The following MCM3 variants were observed in gnomAD, a reference collection of about 807,000 sequenced individuals.
MCM3 encodes minichromosome maintenance complex component 3, also known as DNA replication licensing factor MCM3.
In MCM3, 59 loss-of-function variants were observed where a neutral mutation model predicts 91.3. That is an observed-to-expected ratio of 0.65 (90% CI 0.52 to 0.80). The LOEUF is 0.80. Among genes scored for constraint, MCM3 ranks in the 30% least tolerant of loss-of-function variants. MCM3 has a pLI of 0.00. For synonymous variants in MCM3, 383 were observed against 379.6 expected, an observed-to-expected ratio of 1.01 and a Z score of -0.10; for missense variants, 919 against 1,035.4, an observed-to-expected ratio of 0.89 and a Z score of 1.54.
At chr6:52,270,101 G>A (rs1040611398) in intron 12 of MCM3, among the ~76,000 whole-genome samples, 4 of 152,114 alleles carry the variant, frequency 2.6e-5, no homozygotes, top group East Asian at 1.9e-4. Context: ...CAAGGCAGGC[G>A]GATCACAAGG....
rs563889770 is a variant in MCM3, at chr6:52,274,705, A to G, written c.1375-789T>C. On this transcript the variant is annotated intron_variant, in intron 9 of 16. Transcript: ENST00000596288. Reference sequence around the variant, plus strand: ...CTATGTCTCAGAAAAAAAAAAAAAAAATCAAGGGAGTTTTTCCTTGGGATT... The same window carrying G: ...CTATGTCTCAGAAAAAAAAAAAAAAGATCAAGGGAGTTTTTCCTTGGGATT... Among the ~76,000 whole-genome samples the G allele has an allele frequency of 7.9e-5, 12 of 151,632 alleles. No individual in the cohort carries two copies. The East Asian group carries it at 2.3e-3, about 29-fold the overall frequency.
Position 52,283,299 on chromosome 6 carries a change from A to G in MCM3, c.186T>C (p.Ala62=), listed in dbSNP as rs775077747. ...NDLRRKNEKR[A]NRLLNNAFEE... Reference sequence around the variant, plus strand: ...TATATCCCCTTGCCTCTCACCGGTTAGCCCTCTTCTCGTTTTTCCTGCGCA... The same window carrying G: ...TATATCCCCTTGCCTCTCACCGGTTGGCCCTCTTCTCGTTTTTCCTGCGCA... Residue 62 remains alanine (A), a synonymous_variant, in exon 2 of 17, where the codon GCT becomes GCC. Coordinates refer to ENST00000596288, the MANE Select transcript of MCM3 (RefSeq NM_002388.6). The G allele has an allele frequency of 3.1e-6, 5 of 1,613,636 alleles. No homozygotes were observed. The highest frequency in any genetic ancestry group is 4.2e-6 in the Non-Finnish European group (5 of 1,179,692).
At chr6:52,276,598 T>C in intron 8 of MCM3, 122 bp from the exon 9 acceptor site, 1 of 826,724 alleles carries the variant, frequency 1.2e-6, no homozygotes, top group East Asian at 2.7e-5. Context: ...CAATGGTGTG[T>C]TGGCTCCGAG....
rs1056374330 is a variant in MCM3, at chr6:52,277,148, C to A, written c.1084G>T (p.Ala362Ser). The change falls in exon 8 of 17, where the codon GCA becomes TCA. Residue 362 changes from alanine (A) to serine (S), a missense_variant. Ala to Ser is a moderately conservative substitution (Grantham distance 99). Coordinates refer to ENST00000596288, the MANE Select transcript of MCM3 (RefSeq NM_002388.6). ...CCAGTGGTGGGGATAGCTCGGGGTG[C>A]AGTGCAAAGCACATACCGCAGAAGC... Reference protein sequence around the residue: ...SQLLRYVLCTAPRAIPTTGRG... With the variant: ...SQLLRYVLCTSPRAIPTTGRG... The A allele has an allele frequency of 6.2e-7, 1 of 1,613,850 alleles. No individual in the cohort carries two copies. Among genetic ancestry groups the A allele is most frequent in the African/African-American group, 1.3e-5 (1 of 74,936 alleles).
At chr6:52,272,508 T>C (rs1402764540) in intron 11 of MCM3, 57 bp from the exon 12 acceptor site, 1 of 1,603,524 alleles carries the variant, frequency 6.2e-7, no homozygotes, top group African/African-American at 1.3e-5. Flanking sequence ...CCTGCCTGGA[T>C]TAGTGGCTTT....
At chr6:52,266,249 G>C in intron 15 of MCM3, 105 bp from the exon 16 acceptor site, 1 of 856,238 alleles carries the variant, frequency 1.2e-6, no homozygotes. Flanking sequence ...CACTCAGCCT[G>C]CTGAACACTC....
intron 3 of MCM3, 91 bp downstream of exon 3, chr6:52,282,562 G>A: frequency 8.2e-7 from 1 of 1,226,944 alleles, no homozygotes; most frequent in Non-Finnish European, 1.2e-6. Context: ...CCTCTTTGAA[G>A]CCACAAGCTA....
chr6:52,283,364 T>C lies in MCM3; in HGVS notation c.121A>G (p.Ser41Gly). 1.9e-6 allele frequency: 3 copies of C among 1,614,264 alleles called. No homozygotes were observed. The highest frequency in any genetic ancestry group is 1.1e-5 in the South Asian group (1 of 91,088). ...IYQSKVRELISDNQYRLIVNV... is the reference protein window; with the variant it reads ...IYQSKVRELIGDNQYRLIVNV... ...ACAATCAGCCGGTATTGGTTGTCAC[T>C]GATCAGCTCCCGAACTTTGCTCTGA... Residue 41 changes from serine to glycine, a missense_variant, in exon 2 of 17, where the codon AGT (serine) becomes GGT (glycine). Around this residue, in one of 3 missense-constraint regions of MCM3, gnomAD observed 401 missense variants for 402.7 expected, o/e 1.00. Transcript: ENST00000596288.
At chr6:52,270,755 G>A (rs991078873) in intron 12 of MCM3, among the ~76,000 whole-genome samples, 3 of 152,154 alleles carry the variant, frequency 2.0e-5, no homozygotes, top group African/African-American at 7.2e-5. Context: ...CATGTGGAAA[G>A]GAACAGTTAA....
chr6:52,278,873 G>A lies in MCM3; in HGVS notation c.771-23C>T, dbSNP rs371355754. 11 of 1,539,452 alleles carry A rather than the reference G, an allele frequency of 7.1e-6. No homozygotes were observed. In the African/African-American group the frequency reaches 1.4e-4, roughly 19 times the overall value. ...GTCCTGGGACAAACAGAATAAAGAG[G>A]AAACCCGTTATATTCAATTCCTAAC... On this transcript the variant is annotated intron_variant, in intron 5 of 16. Transcript: ENST00000596288.
intron 11 of MCM3, among the ~76,000 whole-genome samples, 162 bp from the exon 12 acceptor site, chr6:52,272,613 T>C (rs1393769138): frequency 6.6e-6 from 1 of 152,224 alleles, no homozygotes. Flanking sequence ...TCACATATTT[T>C]TATTTAATTA....
chr6:52,275,318 C>T (rs565268977), intron 9 of MCM3, among the ~76,000 whole-genome samples: 36 of 152,254 alleles, frequency 2.4e-4, no homozygotes, highest in African/African-American at 7.9e-4. Context: ...CCTGGCTCTG[C>T]GATTTTCAAG....
rs758991371 is a variant in MCM3 at position 52,272,324 on chromosome 6, T to C, written c.1804A>G (p.Ser602Gly). ...ACCCTGGCGGTGTCTGAGCTCATGC[T>C]ATCCTGGCTGCGCAGGCGTGAATAC... ...EEYSRLRSQD[S>G]MSSDTARTSP... is the part of the protein sequence containing the mutation. Residue 602 changes from serine (S) to glycine (G), a missense_variant, in exon 12 of 17, where the codon AGC becomes GGC. Transcript: ENST00000596288. 3.1e-6 allele frequency: 5 copies of C among 1,614,206 alleles called. No individual in the cohort carries two copies. The highest frequency in any genetic ancestry group is 2.7e-5 in the African/African-American group (2 of 75,074).
rs70977337 is a variant in MCM3, at chr6:52,267,096, C to CTTTTTT, written c.2073-406_2073-401dup. Among the ~76,000 whole-genome samples, 13 of 111,572 alleles carry CTTTTTT rather than the reference C, an allele frequency of 1.2e-4. 1 individual carries two copies. The highest frequency in any genetic ancestry group is 3.1e-4 in the South Asian group (1 of 3,270). 73.2% of individuals were successfully genotyped at this position (111,572 alleles called of 152,430 possible). On this transcript the variant is annotated intron_variant, in intron 14 of 16. Transcript: ENST00000596288. ...CCTTCTCTTTTACCCAGGGTATCTT[C>CTTTTTT]TTTTTTTTTTTTTTTTGAGACGGAC...
intron 2 of MCM3, 52 bp downstream of exon 2, chr6:52,283,242 G>A (rs1212422347): frequency 2.0e-6 from 3 of 1,466,746 alleles, no homozygotes; most frequent in South Asian, 1.1e-5. Flanking sequence ...ATCTGGCCAA[G>A]AGGGAAGGGA....
chr6:52,268,736 A>G (rs537419770), intron 13 of MCM3, among the ~76,000 whole-genome samples: 1 of 152,330 alleles, frequency 6.6e-6, no homozygotes, highest in African/African-American at 2.4e-5. Context: ...GACAAGGAAG[A>G]TTACCAAGGT....
rs1405757890 is a variant in MCM3 at position 52,269,118 on chromosome 6, C to T, written c.1936G>A (p.Val646Met). The T allele has an allele frequency of 2.5e-6, 4 of 1,614,036 alleles. No individual in the cohort carries two copies. Among genetic ancestry groups the T allele is most frequent in the Non-Finnish European group, 3.4e-6 (4 of 1,179,900 alleles). Residue 646 changes from valine to methionine, a missense_variant, in exon 13 of 17, where the codon GTG (valine) becomes ATG (methionine). Val to Met is a conservative substitution (Grantham distance 21). Transcript: ENST00000596288. ...AAGTAAGCATACTGGACCAACTCCA[C>T]AGCTTCCTCTGCATCCTGCAGGTCC... Reference protein sequence around the residue: ...TVDLQDAEEAVELVQYAYFKK... With the variant: ...TVDLQDAEEAMELVQYAYFKK...
chr6:52,267,814 C>T lies in MCM3; in HGVS notation c.2072+51G>A, dbSNP rs375752733. The T allele has an allele frequency of 6.5e-6, 5 of 765,394 alleles. No homozygotes were observed. The African/African-American group carries it at 8.6e-5, about 13-fold the overall frequency. The allele number at this position is 765,394 out of a possible 1,614,324, so 47.4% of individuals were successfully genotyped here. A position where few individuals can be genotyped will look rare whatever the true frequency, so the allele number is the denominator to read the frequency against. On this transcript the variant is annotated intron_variant, in intron 14 of 16. Transcript: ENST00000596288. ...TTGCTAAGATTACAGGCGTGCACCCCCAACTTCTTGGCCACTAACTTTTTA... is the reference window on the plus strand; with the variant it reads ...TTGCTAAGATTACAGGCGTGCACCCTCAACTTCTTGGCCACTAACTTTTTA...
intron 4 of MCM3, among the ~76,000 whole-genome samples, chr6:52,279,982 G>A (rs897195118): frequency 6.6e-6 from 1 of 152,156 alleles, no homozygotes; most frequent in African/African-American, 2.4e-5. Flanking sequence ...ATTTTAAAGT[G>A]TAAAAATGCC....
Sources: gnomAD v4.1 joint callset for allele counts (sites outside exome capture counted in the v4.1 genomes callset) on GRCh38, gnomAD v4.1.1 for gene constraint, gnomAD v4.1.1 regional missense constraint, MANE v1.5 for transcripts, NCBI Gene and HGNC (gene_info 2026-07-23, HGNC 2026-07-21) for gene names.